The following RSRC1 variants were observed in gnomAD, a reference collection of about 807,000 sequenced individuals.
The protein encoded by RSRC1 is arginine and serine rich coiled-coil 1, also known as serine/Arginine-related protein 53.
A neutral mutation model predicts 49.1 loss-of-function variants in RSRC1; 39 were observed. That is an observed-to-expected ratio of 0.79 (90% CI 0.61 to 1.04). The LOEUF (loss-of-function observed/expected upper bound fraction) is 1.04, where lower values mean the gene tolerates loss of function less well. Ranked by LOEUF, RSRC1 falls within the 50% of genes least tolerant of loss-of-function variation. RSRC1 has a pLI of 0.00. For synonymous variants in RSRC1, 143 were observed against 130.8 expected (o/e 1.09, Z -0.63); for missense variants, 388 against 402.4 (o/e 0.96, Z 0.31).
At chr3:158,275,560 T>C (rs1422054257) in intron 4 of RSRC1, among the ~76,000 whole-genome samples, 4 of 152,218 alleles carry the variant, frequency 2.6e-5, no homozygotes, top group Non-Finnish European at 5.9e-5. Flanking sequence ...CCTATTATAC[T>C]ACACAGTATG....
intron 4 of RSRC1, chr3:158,225,625 A>G: frequency 2.3e-6 from 1 of 437,956 alleles, no homozygotes; most frequent in Middle Eastern, 3.4e-4. Flanking sequence ...CATCATAGGT[A>G]TATTAATGAG....
intron 3 of RSRC1, among the ~76,000 whole-genome samples, chr3:158,151,630 G>T (rs1412370765): frequency 6.6e-6 from 1 of 152,108 alleles, no homozygotes; most frequent in Non-Finnish European, 1.5e-5. Context: ...ATGCCAACTA[G>T]GTGGTAGGTC....
At chr3:158,154,258 G>A (rs144939416) in intron 3 of RSRC1, among the ~76,000 whole-genome samples, 3 of 152,136 alleles carry the variant, frequency 2.0e-5, no homozygotes, top group Non-Finnish European at 4.4e-5. Context: ...TTGAGCCTTC[G>A]GTGAGTCATA....
chr3:158,185,948 T>C (rs1719901178), intron 3 of RSRC1, among the ~76,000 whole-genome samples: 2 of 152,038 alleles, frequency 1.3e-5, no homozygotes, highest in Admixed American at 6.6e-5. Context: ...CCAGATGTAG[T>C]GTACATTTAA....
chr3:158,149,457 G>A (rs1717384790), intron 3 of RSRC1, among the ~76,000 whole-genome samples: 2 of 152,170 alleles, frequency 1.3e-5, no homozygotes, highest in Admixed American at 1.3e-4. Context: ...TATCTTGGTT[G>A]TAGAGCTTGA....
intron 7 of RSRC1, among the ~76,000 whole-genome samples, chr3:158,515,919 G>A (rs1318592207): frequency 6.6e-6 from 1 of 151,096 alleles, no homozygotes; most frequent in Non-Finnish European, 1.5e-5. Context: ...CATTCTTCAC[G>A]TAGTTCTCGA....
At chr3:158,163,261 C>T (rs970330371) in intron 3 of RSRC1, among the ~76,000 whole-genome samples, 2 of 152,210 alleles carry the variant, frequency 1.3e-5, no homozygotes, top group Non-Finnish European at 2.9e-5. Context: ...CCTCCTCTGC[C>T]TCCCAAAATG....
intron 6 of RSRC1, among the ~76,000 whole-genome samples, chr3:158,426,742 C>A (rs1735467692): frequency 6.6e-6 from 1 of 151,552 alleles, no homozygotes; most frequent in African/African-American, 2.4e-5. Flanking sequence ...AGAAGCCATA[C>A]CGAAATGAAC....
At chr3:158,329,781 C>T (rs750006859) in intron 5 of RSRC1, among the ~76,000 whole-genome samples, 13 of 152,222 alleles carry the variant, frequency 8.5e-5, no homozygotes, top group Non-Finnish European at 1.3e-4. Flanking sequence ...GGACGTTTAA[C>T]TCTGCAGAGA....
At chr3:158,322,657 T>C (rs887905773) in intron 5 of RSRC1, among the ~76,000 whole-genome samples, 1 of 152,216 alleles carries the variant, frequency 6.6e-6, no homozygotes, top group African/African-American at 2.4e-5. Context: ...TTTGATATTT[T>C]TGGCCATTAC....
At chr3:158,456,716 G>A (rs1223060953) in intron 6 of RSRC1, among the ~76,000 whole-genome samples, 2 of 152,102 alleles carry the variant, frequency 1.3e-5, no homozygotes, top group Non-Finnish European at 2.9e-5. Flanking sequence ...CACCCCAGCA[G>A]TAACAAAGGT....
At chr3:158,174,040 G>C (rs895152413) in intron 3 of RSRC1, among the ~76,000 whole-genome samples, 3 of 151,488 alleles carry the variant, frequency 2.0e-5, no homozygotes, top group Non-Finnish European at 4.4e-5. Context: ...CGTACAACTT[G>C]GTAAATTTAC....
chr3:158,422,539 T>C (rs536567294), intron 6 of RSRC1, among the ~76,000 whole-genome samples: 16 of 151,324 alleles, frequency 1.1e-4, no homozygotes, highest in Non-Finnish European at 2.2e-4. Flanking sequence ...TAAACATACG[T>C]GTGCATGTGT....
chr3:158,290,786 A>T (rs1037589950), intron 4 of RSRC1, among the ~76,000 whole-genome samples: 7 of 152,188 alleles, frequency 4.6e-5, no homozygotes, highest in Non-Finnish European at 7.4e-5. Context: ...TTTATGAAAG[A>T]AAAAAATACA....
intron 6 of RSRC1, among the ~76,000 whole-genome samples, chr3:158,447,827 C>T (rs1736802654): frequency 6.6e-6 from 1 of 151,796 alleles, no homozygotes; most frequent in Non-Finnish European, 1.5e-5. Context: ...AAAGAAATGA[C>T]TTTTTCGATA....
chr3:158,167,637 ATGT>A (rs778694930), intron 3 of RSRC1, among the ~76,000 whole-genome samples: 9 of 152,232 alleles, frequency 5.9e-5, no homozygotes, highest in African/African-American at 1.2e-4. Flanking sequence ...AAGTATGAAA[ATGT>A]TGTTAGAAAA....
chr3:158,133,944 G>C (rs568446257), intron 3 of RSRC1, among the ~76,000 whole-genome samples: 5 of 152,266 alleles, frequency 3.3e-5, no homozygotes, highest in African/African-American at 1.2e-4. Flanking sequence ...CCAGAAAGAC[G>C]GCGGCTGATA....
chr3:158,444,981 A>G lies in RSRC1; in HGVS notation c.584-15954A>G, dbSNP rs367586878. 1.8e-4 allele frequency among the ~76,000 whole-genome samples: 28 copies of G among 152,204 alleles called. 1 individual carries two copies. The highest frequency in any genetic ancestry group is 6.2e-4 in the South Asian group (3 of 4,818). ...ACCATCTCACACCAGTTAGAATGGC[A>G]ATCATTAAAAAGTCAGGAAACAACA... On this transcript the variant is annotated intron_variant, in intron 6 of 9. Transcript: ENST00000611884.
At chr3:158,466,326 G>A (rs913882505) in intron 7 of RSRC1, among the ~76,000 whole-genome samples, 6 of 152,150 alleles carry the variant, frequency 3.9e-5, no homozygotes, top group African/African-American at 1.4e-4. Flanking sequence ...ATGAAATGCA[G>A]ATATACTGAT....
Sources: allele counts gnomAD v4.1 joint callset (sites outside exome capture counted in the v4.1 genomes callset), GRCh38; gene constraint gnomAD v4.1.1; transcripts MANE v1.5; gene names NCBI Gene and HGNC (gene_info 2026-07-23, HGNC 2026-07-21).